The following DDHD1 variants were observed in gnomAD, a reference collection of about 807,000 sequenced individuals.
DDHD1 encodes phospholipase DDHD1.
Under a neutral mutation model 96.4 loss-of-function variants are expected in DDHD1, and 49 were observed. That is an observed-to-expected ratio of 0.51 (90% confidence interval 0.40 to 0.64). The LOEUF (loss-of-function observed/expected upper bound fraction) is 0.64. Ranked by LOEUF, DDHD1 falls within the 30% of genes least tolerant of loss-of-function variation. The pLI is 0.00. For missense variants in DDHD1, 1,106 were observed against 1,161.2 expected (o/e 0.95, Z 0.69); for synonymous variants, 442 against 446.5 (o/e 0.99, Z 0.13).
At chr14:53,057,906 G>C (rs891174830) in intron 9 of DDHD1, among the ~76,000 whole-genome samples, 1 of 152,210 alleles carries the variant, frequency 6.6e-6, no homozygotes, top group Non-Finnish European at 1.5e-5. Context: ...CTGGAGTGCA[G>C]TGGCACAATC....
At chr14:53,047,723 G>C (rs1019531160) in intron 12 of DDHD1, among the ~76,000 whole-genome samples, 4 of 152,182 alleles carry the variant, frequency 2.6e-5, no homozygotes, top group African/African-American at 9.7e-5. Context: ...CCCACAGAAA[G>C]TCCTTGCGAT....
intron 1 of DDHD1, among the ~76,000 whole-genome samples, chr14:53,130,449 C>A (rs538990023): frequency 3.9e-5 from 6 of 152,154 alleles, no homozygotes; most frequent in Non-Finnish European, 5.9e-5. Context: ...AGAAGTCCGT[C>A]TTATTCTCAA....
intron 1 of DDHD1, among the ~76,000 whole-genome samples, chr14:53,123,864 C>T (rs1440897624): frequency 6.6e-6 from 1 of 152,082 alleles, no homozygotes; most frequent in East Asian, 1.9e-4. Flanking sequence ...TATTTTTTTA[C>T]ATGTTTGAAA....
At chr14:53,104,206 G>A (rs1887522500) in intron 1 of DDHD1, among the ~76,000 whole-genome samples, 1 of 152,158 alleles carries the variant, frequency 6.6e-6, no homozygotes, top group South Asian at 2.1e-4. Flanking sequence ...GCCTCCCAAA[G>A]TGCTAGGATT....
rs764385068 is a variant in DDHD1 at position 53,062,913 on chromosome 14, A to C, written c.1766+30T>G. 5.0e-6 allele frequency: 8 copies of C among 1,600,630 alleles called. No individual in the cohort carries two copies. In the South Asian group the frequency reaches 7.9e-5, roughly 16 times the overall value. ...TCCAGTAATTCCATAAAGACATTTA[A>C]AAATTTTTCAAAAGATGAGGATATT... On this transcript the variant is annotated intron_variant, in intron 7 of 12. Transcript: ENST00000673822.
chr14:53,087,667 T>A (rs1033188310), intron 4 of DDHD1, among the ~76,000 whole-genome samples: 1 of 152,076 alleles, frequency 6.6e-6, no homozygotes, highest in Non-Finnish European at 1.5e-5. Context: ...AAGCAGTGTA[T>A]AGAGGAAAAT....
intron 1 of DDHD1, 138 bp downstream of exon 1, chr14:53,152,122 TC>T: frequency 1.2e-5 from 10 of 845,714 alleles, no homozygotes; most frequent in South Asian, 6.9e-5. Flanking sequence ...CGCTCCCTGC[TC>T]AATCTCCATC....
chr14:53,112,246 G>A (rs1345971664), intron 1 of DDHD1, among the ~76,000 whole-genome samples: 1 of 151,938 alleles, frequency 6.6e-6, no homozygotes, highest in Non-Finnish European at 1.5e-5. Flanking sequence ...GAAACCCCGT[G>A]TCTCTACTAA....
chr14:53,054,393 T>C, intron 11 of DDHD1, 45 bp downstream of exon 11: 1 of 1,569,376 alleles, frequency 6.4e-7, no homozygotes, highest in Non-Finnish European at 8.7e-7. Context: ...CCCCAAGTTT[T>C]AAAAAGATAC....
chr14:53,142,460 CAA>C (rs745636721), intron 1 of DDHD1, among the ~76,000 whole-genome samples: 13 of 72,030 alleles, frequency 1.8e-4, no homozygotes, highest in Admixed American at 1.5e-4. Context: ...GCCGGCATGG[CAA>C]AAAAAAAAAA....
At chr14:53,072,726 C>G (rs775453750) in intron 5 of DDHD1, 23 bp from the exon 6 acceptor site, 1 of 1,532,808 alleles carries the variant, frequency 6.5e-7, no homozygotes, top group South Asian at 1.2e-5. Context: ...ACAAAAAAAG[C>G]AAGTTAACTT....
intron 2 of DDHD1, among the ~76,000 whole-genome samples, chr14:53,099,808 A>G (rs1163207835): frequency 6.6e-6 from 1 of 152,152 alleles, no homozygotes; most frequent in Non-Finnish European, 1.5e-5. Context: ...AAGAAAATCA[A>G]TTTTCATTTT....
intron 6 of DDHD1, among the ~76,000 whole-genome samples, chr14:53,065,492 C>T (rs1426927610): frequency 6.6e-6 from 1 of 152,152 alleles, no homozygotes; most frequent in Non-Finnish European, 1.5e-5. Context: ...GAAGTAAGGG[C>T]CAAAGGCTCT....
At chr14:53,093,753 C>T (rs565939004) in intron 2 of DDHD1, 30 of 280,412 alleles carry the variant, frequency 1.1e-4, no homozygotes, top group Non-Finnish European at 1.8e-4. Context: ...ACTGCTTTCC[C>T]GGGTGATGTG....
chr14:53,117,469 C>T (rs1026512035), intron 1 of DDHD1, among the ~76,000 whole-genome samples: 3 of 152,226 alleles, frequency 2.0e-5, no homozygotes, highest in African/African-American at 4.8e-5. Flanking sequence ...ACAGTCTTAG[C>T]AACCGGCAGA....
intron 4 of DDHD1, among the ~76,000 whole-genome samples, chr14:53,090,003 CA>C (rs1197892223): frequency 6.6e-6 from 1 of 152,140 alleles, no homozygotes; most frequent in Non-Finnish European, 1.5e-5. Flanking sequence ...CCAGAATCTA[CA>C]AAGAACTTAA....
At chr14:53,080,994 A>C (rs1885423612) in intron 4 of DDHD1, among the ~76,000 whole-genome samples, 1 of 152,248 alleles carries the variant, frequency 6.6e-6, no homozygotes, top group Middle Eastern at 3.4e-3. Flanking sequence ...TAGTTATCCC[A>C]ATAGTACTTG....
intron 1 of DDHD1, among the ~76,000 whole-genome samples, chr14:53,118,139 A>C (rs938676856): frequency 6.6e-6 from 1 of 152,198 alleles, no homozygotes; most frequent in Non-Finnish European, 1.5e-5. Flanking sequence ...GGACATCCAC[A>C]CCAAAACTCC....
intron 1 of DDHD1, among the ~76,000 whole-genome samples, chr14:53,122,221 T>C (rs1209076577): frequency 6.6e-6 from 1 of 152,184 alleles, no homozygotes; most frequent in African/African-American, 2.4e-5. Flanking sequence ...CATGAGCTGC[T>C]TCCCTGGCAC....
Sources: allele counts gnomAD v4.1 joint callset (sites outside exome capture counted in the v4.1 genomes callset), GRCh38; gene constraint gnomAD v4.1.1; transcripts MANE v1.5; gene names NCBI Gene and HGNC (gene_info 2026-07-23, HGNC 2026-07-21).